The following CPA4 variants were observed in gnomAD, a reference collection of about 807,000 sequenced individuals.
The protein encoded by CPA4 is carboxypeptidase A4, also known as carboxypeptidase A3.
CPA4 carries 49 observed loss-of-function variants against 54.7 expected under a neutral mutation model. That is an observed-to-expected ratio of 0.90 (90% CI 0.71 to 1.14). CPA4 has a LOEUF of 1.14. Among genes scored for constraint, CPA4 ranks in the 50% most tolerant of loss-of-function variants. CPA4 has a pLI of 0.00. For missense variants in CPA4, 487 were observed against 525.1 expected (o/e 0.93, Z 0.71); for synonymous variants, 215 against 206.8 (o/e 1.04, Z -0.34).
intron 9 of CPA4, 96 bp from the exon 10 acceptor site, chr7:130,311,942 G>A (rs1793921910): frequency 1.7e-5 from 15 of 889,044 alleles, no homozygotes; most frequent in South Asian, 1.1e-4. Flanking sequence ...ATCGGGGGGG[G>A]CTGAGAATCT....
Position 130,300,850 on chromosome 7 carries a change from A to G in CPA4, c.320A>G (p.His107Arg), listed in dbSNP as rs1435604756. 6 of 1,613,984 alleles carry G rather than the reference A, an allele frequency of 3.7e-6. No individual in the cohort carries two copies. The South Asian group carries it at 5.5e-5, about 15-fold the overall frequency. ...LLDNEDDEMQ[H>R]NEGQERSSNN... Reference sequence around the variant, plus strand: ...GACAATGAAGATGATGAAATGCAACACAATGAAGGGCAAGAACGGAGCAGT... The same window carrying G: ...GACAATGAAGATGATGAAATGCAACGCAATGAAGGGCAAGAACGGAGCAGT... The change falls in exon 4 of 11, where the codon CAC becomes CGC. Residue 107 changes from histidine (H) to arginine (R), a missense_variant. Coordinates refer to ENST00000222482, the MANE Select transcript of CPA4 (RefSeq NM_016352.4).
chr7:130,298,978 A>G (rs1208276128), intron 2 of CPA4, 151 bp downstream of exon 2: 4 of 637,742 alleles, frequency 6.3e-6, no homozygotes, highest in Non-Finnish European at 1.1e-5. Context: ...GAGGGGGCTG[A>G]TGGGAGAGAG....
chr7:130,315,604 T>C (rs1793975978), intron 10 of CPA4, among the ~76,000 whole-genome samples: 1 of 152,098 alleles, frequency 6.6e-6, no homozygotes, highest in South Asian at 2.1e-4. Flanking sequence ...CTGGGGATGA[T>C]TTATGTTATT....
At chr7:130,312,270 G>A (rs1197489815) in intron 10 of CPA4, 148 bp downstream of exon 10, 6 of 631,652 alleles carry the variant, frequency 9.5e-6, no homozygotes, top group South Asian at 9.3e-5. Context: ...TGCCTGTGTG[G>A]TGACAGCTGT....
At chr7:130,320,008 C>T (rs1794062803) in intron 10 of CPA4, among the ~76,000 whole-genome samples, 1 of 152,234 alleles carries the variant, frequency 6.6e-6, no homozygotes, top group Middle Eastern at 3.4e-3. Flanking sequence ...TCGGGGGCGG[C>T]TTCTGAGGGC....
intron 10 of CPA4, among the ~76,000 whole-genome samples, chr7:130,321,187 C>G (rs903009714): frequency 6.6e-6 from 1 of 152,084 alleles, no homozygotes; most frequent in Non-Finnish European, 1.5e-5. Context: ...AGACTGAGAC[C>G]TTGTCTCAAA....
chr7:130,299,098 T>C (rs1442245583), intron 2 of CPA4, among the ~76,000 whole-genome samples, 172 bp from the exon 3 acceptor site: 1 of 152,272 alleles, frequency 6.6e-6, no homozygotes, highest in African/African-American at 2.4e-5. Context: ...CAGATACTGC[T>C]TGTTGGGCAG....
rs1466640854 is a variant in CPA4, at chr7:130,306,814, G to T, written c.619G>T (p.Ala207Ser). The T allele has an allele frequency of 6.2e-7, 1 of 1,608,984 alleles. No homozygotes were observed. Among genetic ancestry groups the T allele is most frequent in the Non-Finnish European group, 8.5e-7 (1 of 1,175,276 alleles). ...KIVSDYQRDPAITSILEKMDI... is the reference protein window; with the variant it reads ...KIVSDYQRDPSITSILEKMDI... The stretch of plus-strand genomic sequence containing the variant: ...TGTATCTGATTACCAGAGGGATCCA[G>T]CTATCACCTCCATCTTGGAGAAAAT... The change falls in exon 7 of 11, where the codon GCT becomes TCT. Residue 207 changes from alanine to serine, a missense_variant. Coordinates refer to ENST00000222482, the MANE Select transcript of CPA4 (RefSeq NM_016352.4).
chr7:130,308,385 G>T lies in CPA4; in HGVS notation c.781G>T (p.Ala261Ser), dbSNP rs61735964. Residue 261 changes from alanine to serine, a missense_variant, in exon 8 of 11, where the codon GCT becomes TCT. Transcript: ENST00000222482. ...IGADPNRNWN[A>S]SFAGKGASDN... ...TGCTGACCCAAATAGAAACTGGAACGCTAGTTTTGCAGGTAGGCGGTGGGG... is the reference window on the plus strand; with the variant it reads ...TGCTGACCCAAATAGAAACTGGAACTCTAGTTTTGCAGGTAGGCGGTGGGG... 2.6e-4 allele frequency: 423 copies of T among 1,613,444 alleles called. 2 individuals are homozygous for T. The African/African-American group carries it at 4.9e-3, about 19-fold the overall frequency.
At chr7:130,312,299 T>A (rs1392853160) in intron 10 of CPA4, among the ~76,000 whole-genome samples, 177 bp downstream of exon 10, 2 of 152,192 alleles carry the variant, frequency 1.3e-5, no homozygotes, top group Non-Finnish European at 1.5e-5. Context: ...GTCCCCTTCA[T>A]CAACATCATA....
intron 10 of CPA4, among the ~76,000 whole-genome samples, chr7:130,318,779 C>CA (rs879399925): frequency 1.8e-3 from 264 of 149,758 alleles, no homozygotes; most frequent in Non-Finnish European, 3.1e-3. Context: ...CTTGTTTTTT[C>CA]AAAAAAAAAG....
intron 4 of CPA4, among the ~76,000 whole-genome samples, chr7:130,303,828 T>C (rs1275676140): frequency 6.6e-6 from 1 of 151,164 alleles, no homozygotes; most frequent in African/African-American, 2.4e-5. Context: ...TTTGTAGAGC[T>C]GGGGAGTCTC....
Position 130,322,508 on chromosome 7 carries a change from C to T in CPA4, c.1098C>T (p.Ser366=). The T allele has an allele frequency of 1.2e-6, 2 of 1,613,796 alleles. No homozygotes were observed. The highest frequency in any genetic ancestry group is 1.7e-6 in the Non-Finnish European group (2 of 1,179,788). Residue 366 remains serine (S), a synonymous_variant, in exon 11 of 11, where the codon AGC becomes AGT. Transcript: ENST00000222482. The part of the protein sequence containing the change: ...CTTVYPASGS[S]IDWAYDNGIK... ...TTACAGATCCAGCTAGCGGGAGCAG[C>T]ATCGACTGGGCATATGACAACGGCA... is the stretch of plus-strand genomic sequence containing the variant.
intron 10 of CPA4, among the ~76,000 whole-genome samples, chr7:130,313,466 T>A (rs1452067131): frequency 6.6e-6 from 1 of 152,244 alleles, no homozygotes; most frequent in Non-Finnish European, 1.5e-5. Flanking sequence ...TCAGCTGTTA[T>A]AAGATTTAAT....
chr7:130,298,608 A>G (rs1267344540), intron 1 of CPA4, 138 bp from the exon 2 acceptor site: 12 of 575,472 alleles, frequency 2.1e-5, no homozygotes, highest in Non-Finnish European at 3.8e-5. Flanking sequence ...TTTAATGGCC[A>G]TACATTAAAA....
At position 130,312,132 on chromosome 7, in the gene CPA4, C is replaced by T. The variant is rs756494169; in HGVS notation, c.1078+10C>T. 79 of 1,596,622 alleles carry T rather than the reference C, an allele frequency of 4.9e-5. No homozygotes were observed. Among genetic ancestry groups the T allele is most frequent in the Non-Finnish European group, 5.7e-5 (66 of 1,164,204 alleles). ...ACCTGCACCACTGTCTGTAAGTACT[C>T]GCTTATTTATGAGTTATTTAGAAAG... On this transcript the variant is annotated intron_variant, in intron 10 of 10. Transcript: ENST00000222482.
rs930410842 is a variant in CPA4, at chr7:130,299,428, T to C, written c.285+24T>C. On this transcript the variant is annotated intron_variant, in intron 3 of 10. Transcript: ENST00000222482. ...AGGTAGGTAGACTATGCCTCCTGCCTCCTGCTCTTGCATAGGACCAGGCAG... is the reference window on the plus strand; with the variant it reads ...AGGTAGGTAGACTATGCCTCCTGCCCCCTGCTCTTGCATAGGACCAGGCAG... The C allele has an allele frequency of 2.5e-6, 4 of 1,610,480 alleles. No homozygotes were observed. In the Admixed American group the frequency reaches 5.0e-5, roughly 20 times the overall value.
chr7:130,314,283 G>A (rs931542452), intron 10 of CPA4, among the ~76,000 whole-genome samples: 4 of 152,168 alleles, frequency 2.6e-5, no homozygotes, highest in Non-Finnish European at 5.9e-5. Flanking sequence ...GTTGTAAAAC[G>A]GGGGTGTGTT....
intron 9 of CPA4, among the ~76,000 whole-genome samples, chr7:130,311,214 C>T (rs1488158217): frequency 1.3e-5 from 2 of 152,160 alleles, no homozygotes; most frequent in Non-Finnish European, 2.9e-5. Context: ...CCGTGCCTGC[C>T]CCGCCTTTCC....
Sources: gnomAD v4.1 joint callset for allele counts (sites outside exome capture counted in the v4.1 genomes callset) on GRCh38, gnomAD v4.1.1 for gene constraint, MANE v1.5 for transcripts, NCBI Gene and HGNC (gene_info 2026-07-23, HGNC 2026-07-21) for gene names.